The following ATXN10 variants were observed in gnomAD, a reference collection of about 807,000 sequenced individuals.
ATXN10 encodes ataxin 10.
In ATXN10, 28 loss-of-function variants were observed where a neutral mutation model predicts 52.9. The ratio of observed to expected loss-of-function variants is 0.53; its 90% CI spans 0.39 to 0.73. ATXN10 has a LOEUF of 0.73. ATXN10 is among the 30% of genes least tolerant of loss of function. The pLI, the probability that ATXN10 is intolerant of heterozygous loss-of-function variation, is 0.00. For missense variants in ATXN10, 565 were observed against 577.0 expected (o/e 0.98, Z 0.21); for synonymous variants, 226 against 221.5 (o/e 1.02, Z -0.18).
Position 45,678,923 on chromosome 22 carries a change from G to T in ATXN10, c.116+6744G>T, listed in dbSNP as rs1462148974. The T allele has an allele frequency of 1.3e-5, 2 of 152,072 alleles. No homozygotes were observed. The highest frequency in any genetic ancestry group is 4.8e-5 in the African/African-American group (2 of 41,396). 9.4% of individuals were successfully genotyped at this position (152,072 alleles called of 1,614,324 possible). A position where few individuals can be genotyped will look rare whatever the true frequency, so the allele number is the denominator to read the frequency against. On this transcript the variant is annotated intron_variant, in intron 1 of 11. Transcript: ENST00000252934. The surrounding 1 kb of genome is among the most constrained non-coding windows in gnomAD (Gnocchi z 4.1). The stretch of plus-strand genomic sequence containing the variant: ...ATTAAATTTAATACATTTGTAATTT[G>T]CTAAAAATGTATATTTGTAATTTAT...
intron 9 of ATXN10, among the ~76,000 whole-genome samples, chr22:45,747,746 T>G (rs901794274): frequency 6.6e-6 from 1 of 152,174 alleles, no homozygotes; most frequent in Non-Finnish European, 1.5e-5. Context: ...TCTTCATGTA[T>G]AAAATAGGGG....
intron 10 of ATXN10, among the ~76,000 whole-genome samples, chr22:45,810,736 A>C (rs371153374): frequency 1.0e-3 from 154 of 152,322 alleles, no homozygotes; most frequent in African/African-American, 3.5e-3. Context: ...CCATTCATTT[A>C]AAAGTGTTTT....
intron 10 of ATXN10, among the ~76,000 whole-genome samples, chr22:45,813,621 A>C (rs575042994): frequency 6.6e-6 from 1 of 152,246 alleles, no homozygotes; most frequent in South Asian, 2.1e-4. Flanking sequence ...GTGGCCAGGC[A>C]GACCCACACT....
At chr22:45,729,839 C>T (rs1925019912) in intron 7 of ATXN10, 2 of 507,188 alleles carry the variant, frequency 3.9e-6, no homozygotes, top group East Asian at 8.5e-5. Context: ...TACATGCACA[C>T]AGACGTAGAC....
intron 9 of ATXN10, among the ~76,000 whole-genome samples, chr22:45,742,877 T>C (rs73441198): frequency 0.013 from 1,961 of 152,314 alleles, 47 homozygotes; most frequent in African/African-American, 0.045. Context: ...AAAAGAAAGT[T>C]GATAGCGAAT....
rs1355046817 is a variant in ATXN10, at chr22:45,823,705, C to T, written c.1237+16683C>T. On this transcript the variant is annotated intron_variant, in intron 10 of 11. Coordinates refer to ENST00000252934, the MANE Select transcript of ATXN10 (RefSeq NM_013236.4). The surrounding 1 kb of genome is among the most constrained non-coding windows in gnomAD (Gnocchi z 4.9). ...ATATGTTGCTGGATTCAGTCAGTTG[C>T]TGTATCATTATGTTCATGGATTTAT... Among the ~76,000 whole-genome samples, 15 of 152,180 alleles carry T rather than the reference C, an allele frequency of 9.9e-5. No homozygotes were observed. Among genetic ancestry groups the T allele is most frequent in the Admixed American group, 9.8e-4 (15 of 15,286 alleles).
intron 10 of ATXN10, among the ~76,000 whole-genome samples, chr22:45,809,023 A>G (rs1928194767): frequency 6.6e-6 from 1 of 152,236 alleles, no homozygotes; most frequent in Admixed American, 6.5e-5. Flanking sequence ...TTAAAGGCAT[A>G]TAAAATGTGG....
At position 45,708,271 on chromosome 22, in the gene ATXN10, A is replaced by G. The variant is rs1647827103; in HGVS notation, c.647+5424A>G. 6.6e-6 allele frequency among the ~76,000 whole-genome samples: 1 copy of G among 152,196 alleles called. No individual in the cohort carries two copies. The highest frequency in any genetic ancestry group is 6.5e-5 in the Admixed American group (1 of 15,282). On this transcript the variant is annotated intron_variant, in intron 5 of 11. Coordinates refer to ENST00000252934, the MANE Select transcript of ATXN10 (RefSeq NM_013236.4). This position sits in a 1 kb window ranked among gnomAD's most constrained non-coding sequence, Gnocchi z 5.3. Reference sequence around the variant, plus strand: ...TTCATCTAAATCTGAAAGTCCAGTAAATGTGCACTGGTAGGTTAGGTCAGT... The same window carrying G: ...TTCATCTAAATCTGAAAGTCCAGTAGATGTGCACTGGTAGGTTAGGTCAGT...
chr22:45,777,316 C>G (rs941320230), intron 9 of ATXN10, among the ~76,000 whole-genome samples: 2 of 152,152 alleles, frequency 1.3e-5, no homozygotes, highest in African/African-American at 4.8e-5. Context: ...TTTGTGAACT[C>G]AAAATTCTTT....
rs1289564265 is a variant in ATXN10, at chr22:45,774,537, C to T, written c.1174-32422C>T. ...GTCCACCTGACACCTCCCTGCCTCT[C>T]CAGTCCTGACCAGTGTTGTACAGCA... On this transcript the variant is annotated intron_variant, in intron 9 of 11. Coordinates refer to ENST00000252934, the MANE Select transcript of ATXN10 (RefSeq NM_013236.4). This position sits in a 1 kb window ranked among gnomAD's most constrained non-coding sequence, Gnocchi z 6.2. Among the ~76,000 whole-genome samples the T allele has an allele frequency of 1.3e-5, 2 of 152,260 alleles. No homozygotes were observed. Among genetic ancestry groups the T allele is most frequent in the African/African-American group, 4.8e-5 (2 of 41,474 alleles).
intron 9 of ATXN10, among the ~76,000 whole-genome samples, chr22:45,760,199 ACCTACAGATGACATTC>A (rs1355084869): frequency 6.6e-6 from 1 of 152,180 alleles, no homozygotes; most frequent in East Asian, 1.9e-4. Context: ...CATCTTTCCC[ACCTACAGATGACATTC>A]CCTATCTTCA....
chr22:45,839,882 C>T (rs1250269474), intron 10 of ATXN10, among the ~76,000 whole-genome samples: 1 of 152,216 alleles, frequency 6.6e-6, no homozygotes, highest in Non-Finnish European at 1.5e-5. Context: ...GAGGCAAAAA[C>T]ACAGCCTGTG....
chr22:45,722,581 C>G lies in ATXN10; in HGVS notation c.728+4088C>G, dbSNP rs570492716. 2.0e-5 allele frequency among the ~76,000 whole-genome samples: 3 copies of G among 152,326 alleles called. No individual in the cohort carries two copies. In the South Asian group the frequency reaches 6.2e-4, roughly 32 times the overall value. Reference sequence around the variant, plus strand: ...AACCATATAATAAAGCTGCATTATACAGGCGGCATCTGCTGGGCCAGGGAG... The same window carrying G: ...AACCATATAATAAAGCTGCATTATAGAGGCGGCATCTGCTGGGCCAGGGAG... On this transcript the variant is annotated intron_variant, in intron 6 of 11. Coordinates refer to ENST00000252934, the MANE Select transcript of ATXN10 (RefSeq NM_013236.4).
rs1927437956 is a variant in ATXN10, at chr22:45,789,610, TA to T, written c.1174-17348del. The stretch of plus-strand genomic sequence containing the variant: ...GAAAAGTTAGGGGTTAGTATGTTAA[TA>T]CAGCTCTCTCCACGACAAGAAGAAG... On this transcript the variant is annotated intron_variant, in intron 9 of 11. Transcript: ENST00000252934. This position sits in a 1 kb window ranked among gnomAD's most constrained non-coding sequence, Gnocchi z 4.0. Among the ~76,000 whole-genome samples the T allele has an allele frequency of 6.6e-6, 1 of 152,216 alleles. No homozygotes were observed. Among genetic ancestry groups the T allele is most frequent in the African/African-American group, 2.4e-5 (1 of 41,464 alleles).
rs971926255 is a variant in ATXN10, at chr22:45,786,417, C to T, written c.1174-20542C>T. Among the ~76,000 whole-genome samples, 6 of 152,158 alleles carry T rather than the reference C, an allele frequency of 3.9e-5. No homozygotes were observed. The highest frequency in any genetic ancestry group is 1.5e-5 in the Non-Finnish European group (1 of 68,028). ...TATGGGATGCAGTCTCTGACATTCT[C>T]GGCCTCACTGTGTTCCCGTGTGGCC... is the stretch of plus-strand genomic sequence containing the variant. On this transcript the variant is annotated intron_variant, in intron 9 of 11. Transcript: ENST00000252934. The surrounding 1 kb of genome is among the most constrained non-coding windows in gnomAD (Gnocchi z 4.1).
In ATXN10 at chr22:45,780,730, T is replaced by C. The variant is rs1927120857; in HGVS notation, c.1174-26229T>C. Among the ~76,000 whole-genome samples, 1 of 152,262 alleles carries C rather than the reference T, an allele frequency of 6.6e-6. No homozygotes were observed. The highest frequency in any genetic ancestry group is 6.5e-5 in the Admixed American group (1 of 15,294). The stretch of plus-strand genomic sequence containing the variant: ...TAAACCTGGATCAGTGACTTGTGTC[T>C]TCATTTGCTAATGGAAGTCCTTTGG... On this transcript the variant is annotated intron_variant, in intron 9 of 11. Transcript: ENST00000252934. The surrounding 1 kb of genome is among the most constrained non-coding windows in gnomAD (Gnocchi z 4.0).
chr22:45,789,998 C>T lies in ATXN10; in HGVS notation c.1174-16961C>T, dbSNP rs1207148984. The stretch of plus-strand genomic sequence containing the variant: ...CTACATTCATTGTAATAATAGAATG[C>T]CCATAAGAGACACTCCATATTTGAA... On this transcript the variant is annotated intron_variant, in intron 9 of 11. Coordinates refer to ENST00000252934, the MANE Select transcript of ATXN10 (RefSeq NM_013236.4). The surrounding 1 kb of genome is among the most constrained non-coding windows in gnomAD (Gnocchi z 4.0). Among the ~76,000 whole-genome samples, 1 of 152,110 alleles carries T rather than the reference C, an allele frequency of 6.6e-6. No homozygotes were observed. The highest frequency in any genetic ancestry group is 2.4e-5 in the African/African-American group (1 of 41,420).
At chr22:45,779,665 A>T (rs1320922154) in intron 9 of ATXN10, among the ~76,000 whole-genome samples, 4 of 152,214 alleles carry the variant, frequency 2.6e-5, no homozygotes, top group Non-Finnish European at 4.4e-5. Flanking sequence ...CTTGTAGGAA[A>T]AGTTTAGATC....
At chr22:45,722,781 C>T (rs1479220467) in intron 6 of ATXN10, among the ~76,000 whole-genome samples, 1 of 152,124 alleles carries the variant, frequency 6.6e-6, no homozygotes, top group Non-Finnish European at 1.5e-5. Context: ...CCCTTCCTGT[C>T]CTCACCTCAG....
Sources: allele counts gnomAD v4.1 joint callset (sites outside exome capture counted in the v4.1 genomes callset), GRCh38; gene constraint gnomAD v4.1.1; non-coding constraint Gnocchi (gnomAD v3.1); transcripts MANE v1.5; gene names NCBI Gene and HGNC (gene_info 2026-07-23, HGNC 2026-07-21).